The following CFAP99 variants were observed in gnomAD, a reference collection of about 807,000 sequenced individuals.
The protein encoded by CFAP99 is cilia and flagella associated protein 99.
CFAP99 carries 84 observed loss-of-function variants against 82.7 expected under a neutral mutation model. The ratio of observed to expected loss-of-function variants is 1.02; its 90% CI spans 0.85 to 1.22. The LOEUF (loss-of-function observed/expected upper bound fraction) is 1.22. Ranked by LOEUF, CFAP99 falls within the 50% of genes most tolerant of loss-of-function variation. The probability of loss-of-function intolerance (pLI) is 0.00; values close to 1 mark genes in which losing one functional copy is unlikely to be tolerated. For missense variants in CFAP99, 1,059 were observed against 983.5 expected, an observed-to-expected ratio of 1.08 and a Z score of -1.03; for synonymous variants, 456 against 429.5, an observed-to-expected ratio of 1.06 and a Z score of -0.76.
chr4:2,424,098 C>A (rs908599281), intron 1 of CFAP99, among the ~76,000 whole-genome samples: 1 of 152,228 alleles, frequency 6.6e-6, no homozygotes, highest in African/African-American at 2.4e-5. Flanking sequence ...TGTGTCCATG[C>A]ACAGCCAGGC....
At position 2,446,799 on chromosome 4, in the gene CFAP99, AGATGGATGGGTGGATGAATGGATG is replaced by A. The variant is rs1734175411; in HGVS notation, c.642+1501_642+1524del. Reference sequence around the variant, plus strand: ...GTGGATGGATTATCAGATGGATGGTAGATGGATGGGTGGATGAATGGATGGATGGATGGATGGATGATTGGATTG... The same window carrying A: ...GTGGATGGATTATCAGATGGATGGTAGATGGATGGATGGATGATTGGATTG... On this transcript the variant is annotated intron_variant, in intron 6 of 14. Transcript: ENST00000635017. The surrounding 1 kb of genome is among the most constrained non-coding windows in gnomAD (Gnocchi z 5.0). Among the ~76,000 whole-genome samples, 1 of 148,442 alleles carries A rather than the reference AGATGGATGGGTGGATGAATGGATG, an allele frequency of 6.7e-6. No individual in the cohort carries two copies. Among genetic ancestry groups the A allele is most frequent in the South Asian group, 2.2e-4 (1 of 4,626 alleles).
At chr4:2,452,384 A>G (rs1734326534) in intron 11 of CFAP99, 38 bp downstream of exon 11, 2 of 1,522,798 alleles carry the variant, frequency 1.3e-6, no homozygotes, top group African/African-American at 2.7e-5. Flanking sequence ...TGGGGCAGCC[A>G]GCTGAACTGT....
intron 1 of CFAP99, among the ~76,000 whole-genome samples, chr4:2,423,013 G>C (rs1210302467): frequency 6.6e-6 from 1 of 152,186 alleles, no homozygotes; most frequent in Non-Finnish European, 1.5e-5. Flanking sequence ...TTACGCTGTG[G>C]AGTTTTAAAA....
rs998592882 is a variant in CFAP99 at position 2,451,370 on chromosome 4, C to T, written c.956+18C>T. 12 of 1,533,094 alleles carry T rather than the reference C, an allele frequency of 7.8e-6. No individual in the cohort carries two copies. In the African/African-American group the frequency reaches 1.4e-4, roughly 18 times the overall value. The allele number at this position is 1,533,094 out of a possible 1,614,324, so 95.0% of individuals were successfully genotyped here. A position where few individuals can be genotyped will look rare whatever the true frequency, so the allele number is the denominator to read the frequency against. On this transcript the variant is annotated intron_variant, in intron 10 of 14. Coordinates refer to ENST00000635017, the Ensembl canonical transcript of CFAP99. ...CTGCAGAGGTGAAGGGCGGCAGGCC[C>T]CCCCACCTGCCTTCCACGGCATCAC... is the stretch of plus-strand genomic sequence containing the variant.
At chr4:2,450,063 AAAGTTCCTCCC>A (rs1026311185) in intron 8 of CFAP99, 58 bp downstream of exon 8, 6 of 1,502,724 alleles carry the variant, frequency 4.0e-6, no homozygotes, top group African/African-American at 1.4e-5. Flanking sequence ...AAGCCATCAG[AAAGTTCCTCCC>A]AACGCCATCG....
downstream of CFAP99, chr4:2,462,975 C>T: frequency 9.2e-7 from 1 of 1,084,840 alleles, no homozygotes; most frequent in Non-Finnish European, 1.2e-6. The surrounding 1 kb of genome is among the most constrained non-coding windows in gnomAD (Gnocchi z 4.1). Flanking sequence ...CCTACACCCG[C>T]CGCCCCAATA....
chr4:2,445,338 G>C, intron 6 of CFAP99, 30 bp downstream of exon 6: 2 of 1,303,110 alleles, frequency 1.5e-6, no homozygotes, highest in Non-Finnish European at 1.9e-6. Flanking sequence ...GCAGGCACTG[G>C]CTTGCAGGCA....
intron 2 of CFAP99, chr4:2,427,499 G>A (rs1206099204): frequency 6.6e-6 from 1 of 152,560 alleles, no homozygotes; most frequent in Non-Finnish European, 1.5e-5. Flanking sequence ...GGAGCAGGGA[G>A]CGGGCACTCG....
intron 3 of CFAP99, 33 bp downstream of exon 3, chr4:2,437,051 G>A (rs1458098289): frequency 1.0e-5 from 16 of 1,535,006 alleles, no homozygotes; most frequent in East Asian, 4.9e-5. Flanking sequence ...GGGCCAGGCC[G>A]TAGAGACGGT....
rs114199977 is a variant in CFAP99 at position 2,420,238 on chromosome 4, G to A, written c.-18+1145G>A. Among the ~76,000 whole-genome samples the A allele has an allele frequency of 2.6e-3, 392 of 152,034 alleles. 1 individual carries two copies. Among genetic ancestry groups the A allele is most frequent in the African/African-American group, 9.1e-3 (377 of 41,472 alleles). ...TACTCTATCCACTCCCTCCCTGGGG[G>A]ATTTCCTACAGTTACATGGTTTTAT... On this transcript the variant is annotated intron_variant, in intron 1 of 14. Transcript: ENST00000635017.
rs2108728910 is a variant in CFAP99 at position 2,448,158 on chromosome 4, C to T, written c.643-1512C>T. On this transcript the variant is annotated intron_variant, in intron 6 of 14. Coordinates refer to ENST00000635017, the Ensembl canonical transcript of CFAP99. The surrounding 1 kb of genome is among the most constrained non-coding windows in gnomAD (Gnocchi z 5.2). ...GGCTGATGGATGGATGATCAGAGAC[C>T]TTGTTGCTGAGCAACCCCACAGTTG... is the stretch of plus-strand genomic sequence containing the variant. Among the ~76,000 whole-genome samples the T allele has an allele frequency of 6.6e-6, 1 of 152,208 alleles. No homozygotes were observed. The highest frequency in any genetic ancestry group is 6.5e-5 in the Admixed American group (1 of 15,280).
intron 2 of CFAP99, among the ~76,000 whole-genome samples, chr4:2,434,536 C>A (rs1733871071): frequency 6.6e-6 from 1 of 152,212 alleles, no homozygotes; most frequent in African/African-American, 2.4e-5. Flanking sequence ...ACACGGGGAA[C>A]CTTGTGCTTA....
At chr4:2,460,374 C>G (rs2108737912) in intron 14 of CFAP99, 132 bp downstream of exon 14, 1 of 748,312 alleles carries the variant, frequency 1.3e-6, no homozygotes, top group African/African-American at 1.7e-5. Flanking sequence ...CTTGCCGTAA[C>G]TCCCCTGACC....
chr4:2,458,194 T>G (rs1420913978), intron 11 of CFAP99, among the ~76,000 whole-genome samples: 1 of 152,244 alleles, frequency 6.6e-6, no homozygotes, highest in African/African-American at 2.4e-5. Flanking sequence ...TCTGGTTGAC[T>G]GAGACGGGAA....
chr4:2,448,939 AAGG>A lies in CFAP99; in HGVS notation c.643-726_643-724del, dbSNP rs1239777351. On this transcript the variant is annotated intron_variant, in intron 6 of 14. Coordinates refer to ENST00000635017, the Ensembl canonical transcript of CFAP99. The surrounding 1 kb of genome is among the most constrained non-coding windows in gnomAD (Gnocchi z 5.2). The stretch of plus-strand genomic sequence containing the variant: ...TGTGGGTGTGAGAGACAGAGGTGAC[AAGG>A]AGGACTCTGAGGCATGGGTGAGGAA... 2.0e-5 allele frequency among the ~76,000 whole-genome samples: 3 copies of A among 152,164 alleles called. No individual in the cohort carries two copies. The highest frequency in any genetic ancestry group is 4.4e-5 in the Non-Finnish European group (3 of 68,006).
chr4:2,419,725 A>G (rs1397023152), intron 1 of CFAP99, among the ~76,000 whole-genome samples: 1 of 152,204 alleles, frequency 6.6e-6, no homozygotes, highest in South Asian at 2.1e-4. Flanking sequence ...ACGCGATGTG[A>G]GCCTAGGCGC....
chr4:2,431,368 CA>C (rs11375526), intron 2 of CFAP99, among the ~76,000 whole-genome samples: 18 of 145,260 alleles, frequency 1.2e-4, no homozygotes, highest in Non-Finnish European at 1.7e-4. Context: ...GACTCTGTCT[CA>C]AAAAAAAAAA....
intron 2 of CFAP99, chr4:2,427,914 A>G (rs1256087991): frequency 6.6e-6 from 1 of 152,396 alleles, no homozygotes; most frequent in Admixed American, 6.5e-5. Flanking sequence ...CTTCTGGAAG[A>G]GGCGCCTCCT....
At chr4:2,439,617 C>T (rs1037298127) in intron 4 of CFAP99, among the ~76,000 whole-genome samples, 2 of 152,212 alleles carry the variant, frequency 1.3e-5, no homozygotes, top group African/African-American at 4.8e-5. Flanking sequence ...CATTTTCCAT[C>T]TTCACAGAAA....
Sources: gnomAD v4.1 joint callset for allele counts (sites outside exome capture counted in the v4.1 genomes callset) on GRCh38, gnomAD v4.1.1 for gene constraint, Gnocchi (gnomAD v3.1) non-coding constraint, MANE v1.5 for transcripts, NCBI Gene and HGNC (gene_info 2026-07-23, HGNC 2026-07-21) for gene names.